The following CUX1 variants were observed in gnomAD, a reference collection of about 807,000 sequenced individuals.
CUX1 encodes the protein protein CASP.
In CUX1, 31 loss-of-function variants were observed where a neutral mutation model predicts 158.8. The observed-to-expected ratio is 0.20, with a 90% CI of 0.15 to 0.26. The LOEUF is 0.26. CUX1 is among the 10% of genes least tolerant of loss of function. CUX1 has a pLI of 1.00. For synonymous variants in CUX1, 879 were observed against 862.1 expected (o/e 1.02, Z -0.34); for missense variants, 1,589 against 2,014.6 (o/e 0.79, Z 4.04).
chr7:102,216,558 A>C (rs1432495050), intron 20 of CUX1, among the ~76,000 whole-genome samples: 3 of 96,024 alleles, frequency 3.1e-5, no homozygotes, highest in African/African-American at 1.3e-4. Flanking sequence ...CCACACACGC[A>C]CACACACTCC....
At chr7:102,070,827 T>G (rs1435668327) in intron 4 of CUX1, among the ~76,000 whole-genome samples, 2 of 152,200 alleles carry the variant, frequency 1.3e-5, no homozygotes, top group South Asian at 2.1e-4. Context: ...CCCGCTCCCC[T>G]GCCAGGTCAT....
chr7:102,067,573 A>G (rs900814346), intron 3 of CUX1, among the ~76,000 whole-genome samples: 1 of 151,782 alleles, frequency 6.6e-6, no homozygotes, highest in African/African-American at 2.4e-5. Context: ...AGGAAAAAAA[A>G]ATAGAAATAA....
chr7:102,185,714 T>A (rs1364220277), intron 11 of CUX1, among the ~76,000 whole-genome samples: 1 of 151,918 alleles, frequency 6.6e-6, no homozygotes, highest in Non-Finnish European at 1.5e-5. Context: ...GAGTCTTATC[T>A]AGGTTCACCC....
At chr7:102,034,755 A>AAG (rs1329716922) in intron 3 of CUX1, among the ~76,000 whole-genome samples, 1 of 150,886 alleles carries the variant, frequency 6.6e-6, no homozygotes, top group Non-Finnish European at 1.5e-5. Context: ...CCGTCTCAAA[A>AAG]AAAAAAAAAA....
At chr7:101,879,303 A>G (rs1361497914) in intron 1 of CUX1, among the ~76,000 whole-genome samples, 2 of 150,472 alleles carry the variant, frequency 1.3e-5, no homozygotes, top group Non-Finnish European at 3.0e-5. Context: ...CCCTTCACAT[A>G]GCTTTAACAT....
chr7:102,137,595 C>T (rs1437201063), intron 8 of CUX1, among the ~76,000 whole-genome samples: 1 of 152,040 alleles, frequency 6.6e-6, no homozygotes, highest in Admixed American at 6.6e-5. Flanking sequence ...GAGATGGCAC[C>T]GCTGCACTCC....
At chr7:102,242,529 C>T (rs1388829330) in intron 23 of CUX1, among the ~76,000 whole-genome samples, 1 of 152,178 alleles carries the variant, frequency 6.6e-6, no homozygotes, top group African/African-American at 2.4e-5. Context: ...TACTTTCTAG[C>T]CACAGAGATG....
chr7:102,215,140 T>C (rs1054879266), intron 20 of CUX1, among the ~76,000 whole-genome samples: 1 of 152,058 alleles, frequency 6.6e-6, no homozygotes, highest in African/African-American at 2.4e-5. Flanking sequence ...TTTTGTTCCA[T>C]GTGGCTTAAA....
rs781848717 is a variant in CUX1, at chr7:102,278,657, A to AAT, written c.1680+593_1680+594insTA. ...AATAAAATAAAATAAAATAAAATAA[A>AAT]AAAATAAAATAAAATATAAAATAAA... is the stretch of plus-strand genomic sequence containing the variant. On this transcript the variant is annotated intron_variant, in intron 18 of 22. Coordinates refer to the CUX1 transcript ENST00000292538. 3.2e-3 allele frequency among the ~76,000 whole-genome samples: 318 copies of AAT among 99,038 alleles called. 3 individuals carry two copies. Among genetic ancestry groups the AAT allele is most frequent in the South Asian group, 6.1e-3 (20 of 3,272 alleles). The allele number at this position is 99,038 out of a possible 152,430, so 65.0% of individuals were successfully genotyped here.
intron 3 of CUX1, among the ~76,000 whole-genome samples, chr7:102,064,558 G>T (rs1825322013): frequency 6.6e-6 from 1 of 152,224 alleles, no homozygotes; most frequent in African/African-American, 2.4e-5. Context: ...CAGTGGATGG[G>T]CTGAGCTCCC....
At chr7:101,905,990 CT>C (rs748165561) in intron 1 of CUX1, among the ~76,000 whole-genome samples, 64 of 144,978 alleles carry the variant, frequency 4.4e-4, no homozygotes, top group South Asian at 6.6e-4. Flanking sequence ...GCCCAGCTAA[CT>C]TTTTTTTTTT....
At chr7:101,845,936 A>G (rs1411414701) in intron 1 of CUX1, among the ~76,000 whole-genome samples, 1 of 151,942 alleles carries the variant, frequency 6.6e-6, no homozygotes, top group Non-Finnish European at 1.5e-5. Context: ...TGACCCCAGG[A>G]GTCGGAGATT....
At chr7:101,953,872 G>T (rs1379541719) in intron 2 of CUX1, among the ~76,000 whole-genome samples, 1 of 151,824 alleles carries the variant, frequency 6.6e-6, no homozygotes, top group Non-Finnish European at 1.5e-5. Context: ...TTGAAATTAT[G>T]GCTTGGAGTT....
intron 8 of CUX1, chr7:102,115,524 GT>G: frequency 2.5e-6 from 1 of 394,218 alleles, no homozygotes; most frequent in Non-Finnish European, 4.4e-6. Context: ...TTGGGAGTTA[GT>G]TTATATAAGA....
intron 1 of CUX1, among the ~76,000 whole-genome samples, chr7:101,907,717 G>T (rs972578043): frequency 6.6e-6 from 1 of 152,032 alleles, no homozygotes; most frequent in African/African-American, 2.4e-5. Flanking sequence ...TTTAAATGGA[G>T]CCCACGAAGA....
chr7:102,026,847 T>C (rs1253289554), intron 2 of CUX1, among the ~76,000 whole-genome samples: 1 of 138,658 alleles, frequency 7.2e-6, no homozygotes, highest in Non-Finnish European at 1.6e-5. Context: ...AAAAAAAACA[T>C]AGTTTCAATG....
chr7:102,063,976 C>G (rs1287382150), intron 3 of CUX1, among the ~76,000 whole-genome samples: 2 of 152,184 alleles, frequency 1.3e-5, no homozygotes, highest in African/African-American at 4.8e-5. Flanking sequence ...TGGAGCTGCT[C>G]TGAGCCTGCA....
At chr7:102,115,854 AAAT>A (rs2131129227) in intron 8 of CUX1, among the ~76,000 whole-genome samples, 1 of 152,308 alleles carries the variant, frequency 6.6e-6, no homozygotes, top group African/African-American at 2.4e-5. Flanking sequence ...AGCAAGGAAG[AAAT>A]AATAATTGAC....
chr7:102,244,829 C>T (rs1800632114), intron 23 of CUX1, among the ~76,000 whole-genome samples: 1 of 152,194 alleles, frequency 6.6e-6, no homozygotes, highest in Non-Finnish European at 1.5e-5. Flanking sequence ...TGAACCCTCG[C>T]AGCCACGGCA....
Sources: allele counts gnomAD v4.1 joint callset (sites outside exome capture counted in the v4.1 genomes callset), GRCh38; gene constraint gnomAD v4.1.1; transcripts MANE v1.5; gene names NCBI Gene and HGNC (gene_info 2026-07-23, HGNC 2026-07-21).